The following CUL4A variants were observed in gnomAD, a reference collection of about 807,000 sequenced individuals.
The protein encoded by CUL4A is cullin 4A, also known as cullin-4A.
A neutral mutation model predicts 95.5 loss-of-function variants in CUL4A; 16 were observed. The ratio of observed to expected loss-of-function variants is 0.17; its 90% CI spans 0.11 to 0.25. The LOEUF (loss-of-function observed/expected upper bound fraction) is 0.25, where lower values mean the gene tolerates loss of function less well. Ranked by LOEUF, CUL4A falls within the 10% of genes least tolerant of loss-of-function variation. CUL4A has a pLI of 1.00. For synonymous variants in CUL4A, 380 were observed against 353.1 expected, an observed-to-expected ratio of 1.08 and a Z score of -0.85; for missense variants, 610 against 937.0, an observed-to-expected ratio of 0.65 and a Z score of 4.56.
chr13:113,222,449 G>A (rs904583051), intron 3 of CUL4A, among the ~76,000 whole-genome samples: 4 of 152,082 alleles, frequency 2.6e-5, no homozygotes, highest in African/African-American at 7.2e-5. Flanking sequence ...GGATTGAGGC[G>A]GGGAGGGTCT....
Position 113,225,270 on chromosome 13 carries a change from T to G in CUL4A, c.369-2706T>G, listed in dbSNP as rs144390212. Among the ~76,000 whole-genome samples the G allele has an allele frequency of 5.1e-3, 784 of 152,324 alleles. 4 individuals carry two copies. Among genetic ancestry groups the G allele is most frequent in the Middle Eastern group, 0.024 (7 of 294 alleles). On this transcript the variant is annotated intron_variant, in intron 3 of 19. Transcript: ENST00000375440. ...CACGGTGTCTGTGTGTCTCACATCCTGGAATTACTTGCACACCATTGTGGC... is the reference window on the plus strand; with the variant it reads ...CACGGTGTCTGTGTGTCTCACATCCGGGAATTACTTGCACACCATTGTGGC...
At chr13:113,223,272 G>A (rs1386734527) in intron 3 of CUL4A, among the ~76,000 whole-genome samples, 3 of 152,148 alleles carry the variant, frequency 2.0e-5, no homozygotes, top group Non-Finnish European at 4.4e-5. Flanking sequence ...TTAATGTGAT[G>A]GCAGATGCTG....
intron 3 of CUL4A, 143 bp from the exon 4 acceptor site, chr13:113,227,833 A>T: frequency 2.1e-6 from 1 of 480,574 alleles, no homozygotes; most frequent in African/African-American, 2.0e-5. Flanking sequence ...TGAACCTGGG[A>T]GGCAGAGGCT....
chr13:113,242,769 G>T (rs986869176), intron 10 of CUL4A, among the ~76,000 whole-genome samples, 199 bp from the exon 11 acceptor site: 1 of 152,208 alleles, frequency 6.6e-6, no homozygotes, highest in African/African-American at 2.4e-5. Context: ...CTCGGCCGCA[G>T]AGTGAGGGCC....
chr13:113,258,221 G>C (rs1042079662), intron 18 of CUL4A, among the ~76,000 whole-genome samples: 2 of 151,964 alleles, frequency 1.3e-5, no homozygotes, highest in Admixed American at 6.6e-5. Context: ...GAACTCCTGG[G>C]CTCAAGCAGT....
intron 19 of CUL4A, 79 bp downstream of exon 19, chr13:113,260,838 C>A: frequency 8.9e-7 from 1 of 1,124,420 alleles, no homozygotes; most frequent in Admixed American, 2.5e-5. Context: ...TATGTTCAGT[C>A]ATATCATTTG....
At chr13:113,252,450 G>A (rs1024763348) in intron 15 of CUL4A, among the ~76,000 whole-genome samples, 1 of 152,132 alleles carries the variant, frequency 6.6e-6, no homozygotes, top group Non-Finnish European at 1.5e-5. Flanking sequence ...TGAGGCAGGT[G>A]GATCACTTGC....
In CUL4A at chr13:113,264,699, G is replaced by A. The variant is rs966398014; in HGVS notation, c.*1117G>A. ...ATAGCATGTTTCATTTTGATTAAAA[G>A]CTACCAAAGGAATTTTGATCATGGC... On this transcript the variant is annotated 3_prime_UTR_variant, in exon 20 of 20. Transcript: ENST00000375440. The A allele has an allele frequency of 2.6e-5, 4 of 152,578 alleles. No homozygotes were observed. The highest frequency in any genetic ancestry group is 9.7e-5 in the African/African-American group (4 of 41,438). 9.5% of individuals were successfully genotyped at this position (152,578 alleles called of 1,614,324 possible).
intron 15 of CUL4A, among the ~76,000 whole-genome samples, chr13:113,246,369 A>G (rs2041858191): frequency 6.6e-6 from 1 of 152,046 alleles, no homozygotes; most frequent in African/African-American, 2.4e-5. Flanking sequence ...CTTTCTTTCC[A>G]TTGTAGACAG....
chr13:113,244,875 A>G, intron 12 of CUL4A, 74 bp from the exon 13 acceptor site: 6 of 936,240 alleles, frequency 6.4e-6, no homozygotes, highest in Non-Finnish European at 1.0e-5. Context: ...GGTTTTCAGC[A>G]GTTGAAGTTT....
At chr13:113,249,874 T>C (rs1442351094) in intron 15 of CUL4A, among the ~76,000 whole-genome samples, 1 of 152,200 alleles carries the variant, frequency 6.6e-6, no homozygotes, top group Non-Finnish European at 1.5e-5. Flanking sequence ...ATGTCCTGAT[T>C]GACCATTTGC....
At chr13:113,215,393 T>C (rs2040619249) in intron 2 of CUL4A, among the ~76,000 whole-genome samples, 1 of 151,212 alleles carries the variant, frequency 6.6e-6, no homozygotes, top group Non-Finnish European at 1.5e-5. Flanking sequence ...TGGAGGTCGC[T>C]GTGTGACTAT....
In CUL4A at chr13:113,263,491, G is replaced by T; in HGVS notation, c.2189G>T (p.Gly730Val). 1 of 1,593,148 alleles carries T rather than the reference G, an allele frequency of 6.3e-7. No individual in the cohort carries two copies. The highest frequency in any genetic ancestry group is 8.5e-7 in the Non-Finnish European group (1 of 1,170,402). Reference protein sequence around the residue: ...YNQLKFPVKPGDLKKRIESLI... With the variant: ...YNQLKFPVKPVDLKKRIESLI... ...GGTTTTATTCTTCTTTTTTAGCCTG[G>T]AGATTTGAAAAAGAGAATTGAATCT... The change falls in exon 20 of 20, where the codon GGA (glycine) becomes GTA (valine). Residue 730 changes from glycine to valine, a missense_variant. Gly to Val is a moderately radical substitution (Grantham distance 109). Around this residue, in one of 10 missense-constraint regions of CUL4A, gnomAD observed 31 missense variants for 40.3 expected, o/e 0.77. Coordinates refer to ENST00000375440, the MANE Select transcript of CUL4A (RefSeq NM_001008895.4).
chr13:113,215,227 C>T (rs1465771894), intron 2 of CUL4A, among the ~76,000 whole-genome samples: 2 of 148,774 alleles, frequency 1.3e-5, no homozygotes, highest in Admixed American at 6.7e-5. Flanking sequence ...AGGTCACATC[C>T]CGTGTGGCTG....
rs1169643962 is a variant in CUL4A, at chr13:113,260,713, A to G, written c.2138A>G (p.Asn713Ser). The G allele has an allele frequency of 2.5e-6, 4 of 1,606,830 alleles. No homozygotes were observed. Among genetic ancestry groups the G allele is most frequent in the South Asian group, 2.2e-5 (2 of 89,618 alleles). ...IMKMRKTLGH[N>S]LLVSELYNQL... is the part of the protein sequence containing the mutation. Reference sequence around the variant, plus strand: ...AAGATGAGAAAGACTCTTGGTCATAATCTTCTAGTTTCTGAATTATATAAT... The same window carrying G: ...AAGATGAGAAAGACTCTTGGTCATAGTCTTCTAGTTTCTGAATTATATAAT... Residue 713 changes from asparagine to serine, a missense_variant, in exon 19 of 20, where the codon AAT (asparagine) becomes AGT (serine). Asn to Ser is a conservative substitution (Grantham distance 46). This residue lies in a region of CUL4A where 28 missense variants were observed against 86.4 expected (regional missense o/e 0.32). Coordinates refer to ENST00000375440, the MANE Select transcript of CUL4A (RefSeq NM_001008895.4).
chr13:113,232,069 C>T (rs1294523505), intron 5 of CUL4A, among the ~76,000 whole-genome samples: 12 of 133,824 alleles, frequency 9.0e-5, no homozygotes, highest in East Asian at 4.4e-4. Context: ...CCATTACTGT[C>T]ACCACTACCC....
intron 2 of CUL4A, among the ~76,000 whole-genome samples, chr13:113,217,357 A>C (rs1042130199): frequency 6.6e-6 from 1 of 152,248 alleles, no homozygotes; most frequent in African/African-American, 2.4e-5. Flanking sequence ...AAGGAGTTAA[A>C]GTAAATACAG....
intron 18 of CUL4A, among the ~76,000 whole-genome samples, chr13:113,256,351 G>GAAAAT (rs2042119863): frequency 6.6e-6 from 1 of 152,138 alleles, no homozygotes; most frequent in South Asian, 2.1e-4. Flanking sequence ...TGCCCCTCCT[G>GAAAAT]AAAATAAGAT....
intron 6 of CUL4A, among the ~76,000 whole-genome samples, 157 bp from the exon 7 acceptor site, chr13:113,233,740 G>A (rs547042653): frequency 9.8e-5 from 15 of 152,352 alleles, no homozygotes; most frequent in African/African-American, 2.6e-4. Context: ...CTGCCCGGCC[G>A]TTTTGGGAAG....
Sources: allele counts gnomAD v4.1 joint callset (sites outside exome capture counted in the v4.1 genomes callset), GRCh38; gene constraint gnomAD v4.1.1; regional missense constraint gnomAD v4.1.1; transcripts MANE v1.5; gene names NCBI Gene and HGNC (gene_info 2026-07-23, HGNC 2026-07-21).